TULP1: variants seen among roughly 807,000 people sequenced by gnomAD.
The protein encoded by TULP1 is tubby-related protein 1.
A neutral mutation model predicts 67.1 loss-of-function variants in TULP1; 50 were observed. The ratio of observed to expected loss-of-function variants is 0.75; its 90% CI spans 0.59 to 0.94. TULP1 has a LOEUF of 0.94. Ranked by LOEUF, TULP1 falls within the 40% of genes least tolerant of loss-of-function variation. TULP1 has a pLI of 0.00. For missense variants in TULP1, 746 were observed against 734.1 expected, an observed-to-expected ratio of 1.02 and a Z score of -0.19; for synonymous variants, 297 against 294.0, an observed-to-expected ratio of 1.01 and a Z score of -0.11.
chr6:35,509,972 G>C (rs1761164347), intron 5 of TULP1, 44 bp from the exon 6 acceptor site: 1 of 1,592,148 alleles, frequency 6.3e-7, no homozygotes, highest in South Asian at 1.1e-5. Context: ...GTGTCTACTG[G>C]GGCTGAAGGC....
intron 2 of TULP1, 64 bp from the exon 3 acceptor site, chr6:35,512,334 C>T: frequency 1.2e-6 from 1 of 832,024 alleles, no homozygotes; most frequent in Non-Finnish European, 1.8e-6. Context: ...CCGCCCATCC[C>T]CCTCTAATCC....
chr6:35,500,284 A>G (rs1169942090), intron 13 of TULP1, 132 bp from the exon 14 acceptor site: 3 of 964,256 alleles, frequency 3.1e-6, no homozygotes, highest in East Asian at 4.8e-5. Flanking sequence ...CCATTAGGGT[A>G]TCTGAGAATA....
chr6:35,512,353 G>T (rs1761228229), intron 2 of TULP1, 83 bp from the exon 3 acceptor site: 2 of 782,500 alleles, frequency 2.6e-6, no homozygotes, highest in African/African-American at 1.7e-5. Flanking sequence ...CCCTTGAGCC[G>T]CCAGAAATAA....
At chr6:35,510,746 C>T in intron 5 of TULP1, 115 bp downstream of exon 5, 42 of 1,598,928 alleles carry the variant, frequency 2.6e-5, no homozygotes, top group Non-Finnish European at 3.6e-5. Flanking sequence ...CCTCCGGTCA[C>T]AGCACTGGGT....
At position 35,498,488 on chromosome 6, in the gene TULP1, G is replaced by T. The variant is rs905615771; in HGVS notation, c.1496-28C>A. 20 of 1,612,778 alleles carry T rather than the reference G, an allele frequency of 1.2e-5. No individual in the cohort carries two copies. Among genetic ancestry groups the T allele is most frequent in the Non-Finnish European group, 2.5e-6 (3 of 1,179,878 alleles). On this transcript the variant is annotated intron_variant, in intron 14 of 14. Coordinates refer to ENST00000229771, the MANE Select transcript of TULP1 (RefSeq NM_003322.6). This position sits in a 1 kb window ranked among gnomAD's most constrained non-coding sequence, Gnocchi z 6.7. The stretch of plus-strand genomic sequence containing the variant: ...ATGGACACAAGACGGGGTGGGGGCG[G>T]CCCGAGACCTCCTTGGACCCCCATC...
At position 35,511,669 on chromosome 6, in the gene TULP1, G is replaced by T; in HGVS notation, c.328C>A (p.Arg110Ser). The T allele has an allele frequency of 6.3e-7, 1 of 1,595,718 alleles. No individual in the cohort carries two copies. The highest frequency in any genetic ancestry group is 2.3e-5 in the East Asian group (1 of 44,092). ...TCACCGTCCTCCGCGTCTGGGGCAC[G>T]GGCTACCAGAAAGGTTTCCCGGGGG... Reference protein sequence around the residue: ...RDPRETFLVARAPDAEDEEEE... With the variant: ...RDPRETFLVASAPDAEDEEEE... The change falls in exon 4 of 15, where the codon CGT becomes AGT. Residue 110 changes from arginine to serine, a missense_variant. By Grantham distance (110) the Arg-to-Ser change is moderately radical (BLOSUM62 -1). Coordinates refer to ENST00000229771, the MANE Select transcript of TULP1 (RefSeq NM_003322.6).
intron 7 of TULP1, 49 bp from the exon 8 acceptor site, chr6:35,509,361 C>A (rs997629831): frequency 6.4e-7 from 1 of 1,570,976 alleles, no homozygotes; most frequent in African/African-American, 1.4e-5. Context: ...CCCTGGTTTG[C>A]AAAGTGCTTC....
In TULP1 at chr6:35,509,332, C is replaced by T. The variant is rs1761149871; in HGVS notation, c.719-20G>A. 6.2e-7 allele frequency: 1 copy of T among 1,612,100 alleles called. No homozygotes were observed. The highest frequency in any genetic ancestry group is 8.5e-7 in the Non-Finnish European group (1 of 1,178,256). ...GAGTGCCTGAGCGTGGAGGGGGAAA[C>T]AAGGCTGTGAACTCCTCACCCTGGT... On this transcript the variant is annotated intron_variant, in intron 7 of 14. Coordinates refer to ENST00000229771, the MANE Select transcript of TULP1 (RefSeq NM_003322.6).
Position 35,509,677 on chromosome 6 carries a change from C to T in TULP1, c.675G>A (p.Leu225=). Residue 225 remains leucine, a synonymous_variant, in exon 7 of 15, where the codon CTG becomes CTA. Transcript: ENST00000229771. Reference sequence around the variant, plus strand: ...TCTTGTCAGGACTGCCTTCCCCAACCAGAAACATGGCTGCTGGGCTCTTCC... The same window carrying T: ...TCTTGTCAGGACTGCCTTCCCCAACTAGAAACATGGCTGCTGGGCTCTTCC... ...SARKSPAAMF[L]VGEGSPDKKA... The T allele has an allele frequency of 6.2e-7, 1 of 1,614,098 alleles. No homozygotes were observed. Among genetic ancestry groups the T allele is most frequent in the Non-Finnish European group, 8.5e-7 (1 of 1,180,032 alleles).
intron 10 of TULP1, 57 bp from the exon 11 acceptor site, chr6:35,505,910 G>A (rs949710829): frequency 9.9e-6 from 16 of 1,614,064 alleles, no homozygotes; most frequent in African/African-American, 6.7e-5. Flanking sequence ...AAGGGGTGGA[G>A]GTGAGCTGCA....
intron 3 of TULP1, 174 bp from the exon 4 acceptor site, chr6:35,511,980 A>T: frequency 1.6e-6 from 1 of 615,640 alleles, no homozygotes; most frequent in South Asian, 3.4e-5. Flanking sequence ...TCAGCTTCCC[A>T]CCCCCTTCTA....
In TULP1 at chr6:35,511,821, G is replaced by T; in HGVS notation, c.191-15C>A. 2 of 1,537,238 alleles carry T rather than the reference G, an allele frequency of 1.3e-6. No homozygotes were observed. The highest frequency in any genetic ancestry group is 1.4e-5 in the African/African-American group (1 of 72,962). The stretch of plus-strand genomic sequence containing the variant: ...CGTCCGCCCAGCTGAGCCGAGATGC[G>T]GGGTTCAGACAGGGTCCCATCCGCG... On this transcript the variant is annotated splice_polypyrimidine_tract_variant and intron_variant, in intron 3 of 14. Transcript: ENST00000229771.
In TULP1 at chr6:35,511,780, C is replaced by T. The variant is rs1158745046; in HGVS notation, c.217G>A (p.Glu73Lys). The T allele has an allele frequency of 1.3e-6, 2 of 1,566,538 alleles. No individual in the cohort carries two copies. Among genetic ancestry groups the T allele is most frequent in the Non-Finnish European group, 1.7e-6 (2 of 1,155,694 alleles). The stretch of plus-strand genomic sequence containing the variant: ...GCCTGGGCTGGGTCTGGGGAAGGCT[C>T]CTCCCGCGGCCTCCCCGTCCGCCCA... ...GAGRTGRPRE[E>K]PSPDPAQARA... The change falls in exon 4 of 15, where the codon GAG becomes AAG. Residue 73 changes from glutamate to lysine, a missense_variant. Physicochemically the swap from Glu to Lys is moderately conservative, Grantham distance 56. Around this residue, in one of 3 missense-constraint regions of TULP1, gnomAD observed 359 missense variants for 341.9 expected, o/e 1.05. Transcript: ENST00000229771.
chr6:35,502,181 A>C (rs7743057), intron 13 of TULP1, among the ~76,000 whole-genome samples: 4,521 of 149,706 alleles, frequency 0.03, 88 homozygotes, highest in African/African-American at 0.05. Context: ...TTTTCTTTTT[A>C]TTTTTTATTA....
chr6:35,501,352 G>C (rs1046820114), intron 13 of TULP1, among the ~76,000 whole-genome samples: 13 of 152,072 alleles, frequency 8.5e-5, no homozygotes, highest in Non-Finnish European at 1.6e-4. Context: ...AAACTAGCCA[G>C]GTATGGTGGC....
At position 35,503,873 on chromosome 6, in the gene TULP1, T is replaced by A; in HGVS notation, c.1113-25A>T. ...CCTGCAAGCAGGGTAGAGCTTGGGGTGGGGCTGAGGGGATCCTACATCCCT... is the reference window on the plus strand; with the variant it reads ...CCTGCAAGCAGGGTAGAGCTTGGGGAGGGGCTGAGGGGATCCTACATCCCT... On this transcript the variant is annotated intron_variant, in intron 11 of 14. Coordinates refer to ENST00000229771, the MANE Select transcript of TULP1 (RefSeq NM_003322.6). This position sits in a 1 kb window ranked among gnomAD's most constrained non-coding sequence, Gnocchi z 4.0. 1.3e-6 allele frequency: 2 copies of A among 1,572,340 alleles called. No homozygotes were observed. The highest frequency in any genetic ancestry group is 1.7e-4 in the Middle Eastern group (1 of 6,004).
In TULP1 at chr6:35,511,689, C is replaced by A; in HGVS notation, c.308G>T (p.Arg103Leu). 6.3e-7 allele frequency: 1 copy of A among 1,594,602 alleles called. No individual in the cohort carries two copies. Among genetic ancestry groups the A allele is most frequent in the Non-Finnish European group, 8.5e-7 (1 of 1,170,364 alleles). Residue 103 changes from arginine (R) to leucine (L), a missense_variant, in exon 4 of 15, where the codon CGG becomes CTG. Arg to Leu is a moderately radical substitution (Grantham distance 102). Around this residue, in one of 3 missense-constraint regions of TULP1, gnomAD observed 359 missense variants for 341.9 expected, o/e 1.05. Transcript: ENST00000229771. ...RDPEAKKRDP[R>L]ETFLVARAPD... ...GGCACGGGCTACCAGAAAGGTTTCC[C>A]GGGGGTCGCGCTTCTTGGCCTCGGG...
intron 11 of TULP1, 178 bp downstream of exon 11, chr6:35,505,563 C>A: frequency 2.6e-6 from 4 of 1,516,304 alleles, no homozygotes; most frequent in Non-Finnish European, 3.5e-6. Flanking sequence ...ACACACTCAA[C>A]CATTTTAACA....
chr6:35,500,395 G>T (rs551620214), intron 13 of TULP1, among the ~76,000 whole-genome samples: 40 of 152,286 alleles, frequency 2.6e-4, no homozygotes, highest in African/African-American at 9.1e-4. Flanking sequence ...ATGGCAAGGG[G>T]CATCTGGCAC....
Sources: gnomAD v4.1 joint callset for allele counts (sites outside exome capture counted in the v4.1 genomes callset) on GRCh38, gnomAD v4.1.1 for gene constraint, gnomAD v4.1.1 regional missense constraint, Gnocchi (gnomAD v3.1) non-coding constraint, MANE v1.5 for transcripts, NCBI Gene and HGNC (gene_info 2026-07-23, HGNC 2026-07-21) for gene names.